Variants in REEP1 observed in about 807,000 individuals in gnomAD.
REEP1 encodes the protein receptor expression-enhancing protein 1.
REEP1 carries 22 observed loss-of-function variants against 40.3 expected under a neutral mutation model. The observed-to-expected ratio is 0.55, with a 90% confidence interval of 0.39 to 0.78. The LOEUF (loss-of-function observed/expected upper bound fraction) is 0.78. REEP1 is among the 30% of genes least tolerant of loss of function. REEP1 has a pLI of 0.00. For missense variants in REEP1, 280 were observed against 361.1 expected (o/e 0.78, Z 1.82); for synonymous variants, 116 against 139.2 (o/e 0.83, Z 1.17).
rs1396679582 is a variant in REEP1 at position 86,286,025 on chromosome 2, C to G, written c.33-3783G>C. Among the ~76,000 whole-genome samples the G allele has an allele frequency of 1.3e-5, 2 of 152,118 alleles. 1 individual carries two copies. The highest frequency in any genetic ancestry group is 3.9e-4 in the East Asian group (2 of 5,176). ...TGCACCTCACAGCTCTGCGCCCACCCTCTCTTCCCCCCACTGTCATTAACT... is the reference window on the plus strand; with the variant it reads ...TGCACCTCACAGCTCTGCGCCCACCGTCTCTTCCCCCCACTGTCATTAACT... On this transcript the variant is annotated intron_variant, in intron 1 of 8. Coordinates refer to ENST00000538924, the MANE Select transcript of REEP1 (RefSeq NM_001371279.1).
In REEP1 at chr2:86,314,006, C is replaced by T. The variant is rs138500964; in HGVS notation, c.32+23473G>A. ...GGCTGATTTCAGCCAGGAGCCACCA[C>T]GTTTGTGACTTTGTATCCAACCACA... On this transcript the variant is annotated intron_variant, in intron 1 of 8. Transcript: ENST00000538924. 4.6e-5 allele frequency among the ~76,000 whole-genome samples: 7 copies of T among 152,350 alleles called. No homozygotes were observed. The East Asian group carries it at 5.8e-4, about 13-fold the overall frequency.
chr2:86,217,174 C>T, intron 8 of REEP1, 64 bp from the exon 9 acceptor site: 2 of 1,387,098 alleles, frequency 1.4e-6, no homozygotes, highest in Non-Finnish European at 1.0e-6. Context: ...TTGAGGTCAG[C>T]ACCTGGAAGG....
At chr2:86,242,978 G>A (rs1007218539) in intron 5 of REEP1, among the ~76,000 whole-genome samples, 2 of 152,134 alleles carry the variant, frequency 1.3e-5, no homozygotes, top group Non-Finnish European at 2.9e-5. Flanking sequence ...TGGGACACAC[G>A]GAAGGGCAGA....
chr2:86,255,188 C>T lies in REEP1; in HGVS notation c.183-374G>A, dbSNP rs561019041. Among the ~76,000 whole-genome samples the T allele has an allele frequency of 4.6e-5, 7 of 152,256 alleles. No individual in the cohort carries two copies. The East Asian group carries it at 5.8e-4, about 13-fold the overall frequency. The stretch of plus-strand genomic sequence containing the variant: ...CTACAGGCTCAGAGGATCTCTTCTA[C>T]GCTGTACACCCAGTCACTCACTCTT... On this transcript the variant is annotated intron_variant, in intron 3 of 8. Transcript: ENST00000538924.
intron 2 of REEP1, among the ~76,000 whole-genome samples, chr2:86,274,935 C>T (rs1474175805): frequency 6.6e-6 from 1 of 152,144 alleles, no homozygotes; most frequent in Non-Finnish European, 1.5e-5. Flanking sequence ...ATTCCCTGGT[C>T]CATTCTACCC....
At chr2:86,224,418 T>C (rs1253510424) in intron 7 of REEP1, among the ~76,000 whole-genome samples, 1 of 152,184 alleles carries the variant, frequency 6.6e-6, no homozygotes. Flanking sequence ...CAGTAGAGAC[T>C]GTCAGAGCTG....
intron 1 of REEP1, among the ~76,000 whole-genome samples, chr2:86,284,973 G>A (rs898503838): frequency 6.6e-6 from 1 of 152,232 alleles, no homozygotes; most frequent in South Asian, 2.1e-4. Flanking sequence ...GAAATGGGAT[G>A]AAAATGGTCA....
At chr2:86,268,025 T>A (rs1387268795) in intron 2 of REEP1, among the ~76,000 whole-genome samples, 4 of 152,038 alleles carry the variant, frequency 2.6e-5, no homozygotes, top group East Asian at 1.9e-4. Flanking sequence ...ATATTTTTTT[T>A]AAAACCCTAC....
At chr2:86,234,051 A>G (rs1675164754) in intron 5 of REEP1, among the ~76,000 whole-genome samples, 1 of 152,144 alleles carries the variant, frequency 6.6e-6, no homozygotes, top group Non-Finnish European at 1.5e-5. Context: ...GGGTGAGAGA[A>G]GGGTTTGGAA....
chr2:86,219,986 A>G lies in REEP1; in HGVS notation c.767T>C (p.Met256Thr), dbSNP rs2103963191. The G allele has an allele frequency of 2.4e-6, 3 of 1,232,104 alleles. No individual in the cohort carries two copies. The highest frequency in any genetic ancestry group is 8.2e-5 in the South Asian group (2 of 24,298). 76.3% of individuals were successfully genotyped at this position (1,232,104 alleles called of 1,614,324 possible). The change falls in exon 8 of 9, where the codon ATG (methionine) becomes ACG (threonine). Residue 256 changes from methionine to threonine, a missense_variant. Met to Thr is a moderately conservative substitution (Grantham distance 81, BLOSUM62 -1). Around this residue, in one of 3 missense-constraint regions of REEP1, gnomAD observed 201 missense variants for 238.5 expected, o/e 0.84. Coordinates refer to ENST00000538924, the MANE Select transcript of REEP1 (RefSeq NM_001371279.1). ...ACTGTGTACCTCCAGGGGCAATTCC[A>G]TCCTTCGAGGTGCTTTATACTTGTA... ...FMYKYKAPRR[M>T]ELPLEAPPRI... is the part of the protein sequence containing the mutation.
At position 86,214,820 on chromosome 2, in the gene REEP1, GTAA is replaced by G. The variant is rs1674015588; in HGVS notation, c.*2216_*2218del. ...TATATTTTTCAATCTTGAATGAGAA[GTAA>G]TAATACAGCATGTCTGAGAATAGAG... On this transcript the variant is annotated 3_prime_UTR_variant, in exon 9 of 9. Coordinates refer to ENST00000538924, the MANE Select transcript of REEP1 (RefSeq NM_001371279.1). The G allele has an allele frequency of 6.6e-6, 1 of 152,596 alleles. No homozygotes were observed. Among genetic ancestry groups the G allele is most frequent in the South Asian group, 2.1e-4 (1 of 4,828 alleles). The allele number at this position is 152,596 out of a possible 1,614,324, so 9.5% of individuals were successfully genotyped here.
intron 1 of REEP1, among the ~76,000 whole-genome samples, chr2:86,310,386 A>T (rs11127028): frequency 0.34 from 51,915 of 152,060 alleles, 9,824 homozygotes; most frequent in Middle Eastern, 0.45. Context: ...GTATAGTAGC[A>T]TGCTGTGCAG....
rs970023323 is a variant in REEP1 at position 86,214,911 on chromosome 2, T to C, written c.*2128A>G. On this transcript the variant is annotated 3_prime_UTR_variant, in exon 9 of 9. Transcript: ENST00000538924. ...TGATAACCTGTACTTGTCACAACTC[T>C]CCATTGTAAAATGGCGAAAATATAG... is the stretch of plus-strand genomic sequence containing the variant. 1 of 151,410 alleles carries C rather than the reference T, an allele frequency of 6.6e-6. No homozygotes were observed. Among genetic ancestry groups the C allele is most frequent in the Non-Finnish European group, 1.5e-5 (1 of 67,812 alleles). The allele number at this position is 151,410 out of a possible 1,614,324, so 9.4% of individuals were successfully genotyped here. A position where few individuals can be genotyped will look rare whatever the true frequency, so the allele number is the denominator to read the frequency against.
At chr2:86,252,207 T>C in intron 4 of REEP1, 137 bp from the exon 5 acceptor site, 1 of 724,416 alleles carries the variant, frequency 1.4e-6, no homozygotes, top group South Asian at 1.4e-5. Flanking sequence ...TGTAGGCACT[T>C]TGAAGGTGTG....
intron 6 of REEP1, among the ~76,000 whole-genome samples, chr2:86,228,841 T>C (rs1189149640): frequency 6.6e-6 from 1 of 152,268 alleles, no homozygotes; most frequent in East Asian, 1.9e-4. Context: ...TCACTTTTAA[T>C]ATTTTAATGT....
chr2:86,317,466 C>T (rs1680071945), intron 1 of REEP1, among the ~76,000 whole-genome samples: 1 of 152,118 alleles, frequency 6.6e-6, no homozygotes, highest in East Asian at 1.9e-4. Flanking sequence ...ATCCCTAAAA[C>T]CCCTTCAGAG....
chr2:86,252,057 C>A lies in REEP1; in HGVS notation c.317G>T (p.Cys106Phe). Reference sequence around the variant, plus strand: ...ACTTCGGTCTTTTGCTTGGACCAGACAATCATCGATTTCCTGTCAAAGGAA... The same window carrying A: ...ACTTCGGTCTTTTGCTTGGACCAGAAAATCATCGATTTCCTGTCAAAGGAA... Reference protein sequence around the residue: ...LSSKEKEIDDCLVQAKDRSYD... With the variant: ...LSSKEKEIDDFLVQAKDRSYD... The change falls in exon 5 of 9, where the codon TGT (cysteine) becomes TTT (phenylalanine). Residue 106 changes from cysteine to phenylalanine, a missense_variant. By Grantham distance (205) the Cys-to-Phe change is radical (BLOSUM62 -2). Coordinates refer to ENST00000538924, the MANE Select transcript of REEP1 (RefSeq NM_001371279.1). 1 of 1,613,152 alleles carries A rather than the reference C, an allele frequency of 6.2e-7. No individual in the cohort carries two copies. The highest frequency in any genetic ancestry group is 8.5e-7 in the Non-Finnish European group (1 of 1,179,272).
rs567816123 is a variant in REEP1 at position 86,267,232 on chromosome 2, G to T, written c.106-3191C>A. The stretch of plus-strand genomic sequence containing the variant: ...AGGAGGGACTTGGTGGGAGGTGATT[G>T]GTTCATGGGGGCGGTTTCCCCCATG... On this transcript the variant is annotated intron_variant, in intron 2 of 8. Transcript: ENST00000538924. Among the ~76,000 whole-genome samples, 14 of 152,246 alleles carry T rather than the reference G, an allele frequency of 9.2e-5. No individual in the cohort carries two copies. The East Asian group carries it at 2.1e-3, about 23-fold the overall frequency.
At chr2:86,321,390 A>C (rs1001956208) in intron 1 of REEP1, among the ~76,000 whole-genome samples, 2 of 152,146 alleles carry the variant, frequency 1.3e-5, no homozygotes, top group African/African-American at 4.8e-5. Flanking sequence ...AATTCTACTA[A>C]CCATTTAAGA....
Sources: gnomAD v4.1 joint callset for allele counts (sites outside exome capture counted in the v4.1 genomes callset) on GRCh38, gnomAD v4.1.1 for gene constraint, gnomAD v4.1.1 regional missense constraint, MANE v1.5 for transcripts, NCBI Gene and HGNC (gene_info 2026-07-23, HGNC 2026-07-21) for gene names.